The following HMGA2 variants were observed in gnomAD, a reference collection of about 807,000 sequenced individuals.
The protein encoded by HMGA2 is high mobility group AT-hook 2, also known as high mobility group protein HMGI-C.
Under a neutral mutation model 19.1 loss-of-function variants are expected in HMGA2, and 8 were observed. The ratio of observed to expected loss-of-function variants is 0.42; its 90% CI spans 0.25 to 0.76. HMGA2 has a LOEUF of 0.76. HMGA2 is among the 30% of genes least tolerant of loss of function. The pLI is 0.28. For missense variants in HMGA2, 109 were observed against 136.3 expected, an observed-to-expected ratio of 0.80 and a Z score of 1.00; for synonymous variants, 60 against 48.8, an observed-to-expected ratio of 1.23 and a Z score of -0.96.
At chr12:65,952,877 CA>C (rs1469087286) in intron 4 of HMGA2, 2 of 157,596 alleles carry the variant, frequency 1.3e-5, no homozygotes, top group African/African-American at 4.8e-5. Flanking sequence ...ATGAGTCAAA[CA>C]AAGAAAAACA....
chr12:65,907,741 T>C (rs1219190363), intron 3 of HMGA2, among the ~76,000 whole-genome samples: 2 of 152,168 alleles, frequency 1.3e-5, no homozygotes, highest in Non-Finnish European at 2.9e-5. Flanking sequence ...CAAGTAAGGA[T>C]GTTTCTAGGT....
chr12:65,837,375 A>G (rs1342745991), intron 2 of HMGA2, among the ~76,000 whole-genome samples: 1 of 152,198 alleles, frequency 6.6e-6, no homozygotes, highest in Non-Finnish European at 1.5e-5. Context: ...TGTTTTTACC[A>G]GGCAGATTGA....
chr12:65,893,686 G>T (rs1035251636), intron 3 of HMGA2, among the ~76,000 whole-genome samples: 1 of 152,206 alleles, frequency 6.6e-6, no homozygotes, highest in African/African-American at 2.4e-5. Context: ...TGGTAAAGAG[G>T]TCAAAATGAG....
At chr12:65,927,048 AAGG>A (rs1875530105) in intron 3 of HMGA2, among the ~76,000 whole-genome samples, 1 of 152,198 alleles carries the variant, frequency 6.6e-6, no homozygotes, top group South Asian at 2.1e-4. Flanking sequence ...TTTGCAAAGC[AAGG>A]AGGAGTTGCA....
At chr12:65,962,177 TGCA>T (rs1275024255) in intron 4 of HMGA2, among the ~76,000 whole-genome samples, 6 of 152,226 alleles carry the variant, frequency 3.9e-5, no homozygotes, top group Non-Finnish European at 8.8e-5. Context: ...TGAGACAATG[TGCA>T]GCATTTGATA....
intron 4 of HMGA2, among the ~76,000 whole-genome samples, chr12:65,960,004 C>T (rs533466123): frequency 1.5e-4 from 23 of 152,292 alleles, no homozygotes; most frequent in Middle Eastern, 3.4e-3. Flanking sequence ...ATTCTCCTGC[C>T]GCAGCCTCCC....
At chr12:65,831,273 A>G (rs1870464410) in intron 2 of HMGA2, among the ~76,000 whole-genome samples, 1 of 151,740 alleles carries the variant, frequency 6.6e-6, no homozygotes, top group Non-Finnish European at 1.5e-5. Flanking sequence ...AATCTCCTTT[A>G]GTTTAGGGTT....
At chr12:65,953,282 A>G (rs1306372530) in intron 4 of HMGA2, 2 of 152,226 alleles carry the variant, frequency 1.3e-5, no homozygotes, top group Non-Finnish European at 2.9e-5. Context: ...TGAGCAAATG[A>G]CCACAGAATG....
intron 3 of HMGA2, among the ~76,000 whole-genome samples, chr12:65,838,992 C>CTTTTTT (rs1565703147): frequency 1.1e-5 from 1 of 89,452 alleles, no homozygotes. Flanking sequence ...CTTTCTTTTT[C>CTTTTTT]TTTTTCTTTT....
At chr12:65,914,396 A>G (rs1449048569) in intron 3 of HMGA2, among the ~76,000 whole-genome samples, 2 of 151,082 alleles carry the variant, frequency 1.3e-5, no homozygotes, top group Non-Finnish European at 2.9e-5. Context: ...CGCAAGAACA[A>G]AAAACCAAAC....
chr12:65,926,127 T>G (rs1487084242), intron 3 of HMGA2, among the ~76,000 whole-genome samples: 2 of 152,156 alleles, frequency 1.3e-5, no homozygotes, highest in African/African-American at 2.4e-5. Context: ...CCCCAGACAA[T>G]CAAAATCTTC....
In HMGA2 at chr12:65,824,542, T is replaced by TC. The variant is rs1870009563; in HGVS notation, c.-724dup. On this transcript the variant is annotated 5_prime_UTR_variant, in exon 1 of 5. Coordinates refer to ENST00000403681, the MANE Select transcript of HMGA2 (RefSeq NM_003483.6). ...GCAAGACTCAGGAGCTAGCAGCCCGTCCCCCTCCGACTCTCCGGTGCCGCC... is the reference window on the plus strand; with the variant it reads ...GCAAGACTCAGGAGCTAGCAGCCCGTCCCCCCTCCGACTCTCCGGTGCCGCC... 4.3e-6 allele frequency: 1 copy of TC among 231,698 alleles called. No homozygotes were observed. Among genetic ancestry groups the TC allele is most frequent in the African/African-American group, 2.2e-5 (1 of 44,818 alleles). 14.4% of individuals were successfully genotyped at this position (231,698 alleles called of 1,614,324 possible).
chr12:65,826,261 G>A (rs562826187), intron 1 of HMGA2: 4 of 152,518 alleles, frequency 2.6e-5, no homozygotes, highest in South Asian at 4.1e-4. Flanking sequence ...GGGGCGCCCG[G>A]GACCCTGCGG....
chr12:65,842,719 G>T (rs1459053513), intron 3 of HMGA2: 5 of 1,460,198 alleles, frequency 3.4e-6, no homozygotes, highest in Non-Finnish European at 4.5e-6. Flanking sequence ...GAGATGTGCT[G>T]ATTCTCAGAA....
chr12:65,828,157 C>A, intron 2 of HMGA2, 70 bp downstream of exon 2: 1 of 1,101,018 alleles, frequency 9.1e-7, no homozygotes, highest in Non-Finnish European at 1.4e-6. Flanking sequence ...CTGTAACTTT[C>A]CCATTCTAAC....
At chr12:65,891,385 T>G (rs928925799) in intron 3 of HMGA2, among the ~76,000 whole-genome samples, 1 of 152,166 alleles carries the variant, frequency 6.6e-6, no homozygotes, top group Non-Finnish European at 1.5e-5. Context: ...CCATCAGTAG[T>G]GATTCATGAT....
intron 3 of HMGA2, among the ~76,000 whole-genome samples, chr12:65,878,809 C>A (rs936530751): frequency 2.6e-5 from 4 of 152,172 alleles, no homozygotes; most frequent in Non-Finnish European, 5.9e-5. Flanking sequence ...GATAAACTCC[C>A]GGCCTCTGAA....
chr12:65,852,509 T>A (rs1218869449), intron 3 of HMGA2, among the ~76,000 whole-genome samples: 8 of 151,926 alleles, frequency 5.3e-5, no homozygotes, highest in African/African-American at 1.2e-4. Context: ...TTTCAAAAAA[T>A]AATAATAATA....
At chr12:65,894,891 T>C (rs1421404743) in intron 3 of HMGA2, among the ~76,000 whole-genome samples, 1 of 152,152 alleles carries the variant, frequency 6.6e-6, no homozygotes, top group Non-Finnish European at 1.5e-5. Context: ...TTTATATGAT[T>C]ACATGGGCAA....
Sources: allele counts gnomAD v4.1 joint callset (sites outside exome capture counted in the v4.1 genomes callset), GRCh38; gene constraint gnomAD v4.1.1; transcripts MANE v1.5; gene names NCBI Gene and HGNC (gene_info 2026-07-23, HGNC 2026-07-21).